Variants in NOS1AP observed in about 807,000 individuals in gnomAD.
NOS1AP encodes carboxyl-terminal PDZ ligand of neuronal nitric oxide synthase protein.
Under a neutral mutation model 56.2 loss-of-function variants are expected in NOS1AP, and 21 were observed. That is an observed-to-expected ratio of 0.37 (90% CI 0.26 to 0.54). The LOEUF is 0.54. Among genes scored for constraint, NOS1AP ranks in the 20% least tolerant of loss-of-function variants. NOS1AP has a pLI of 0.84. For synonymous variants in NOS1AP, 270 were observed against 274.6 expected, an observed-to-expected ratio of 0.98 and a Z score of 0.17; for missense variants, 522 against 657.8, an observed-to-expected ratio of 0.79 and a Z score of 2.26.
intron 1 of NOS1AP, among the ~76,000 whole-genome samples, chr1:162,120,579 G>A (rs12085490): frequency 0.01 from 1,544 of 152,342 alleles, 24 homozygotes; most frequent in African/African-American, 0.035. Context: ...GTCTTATGTG[G>A]CGACAGGCAA....
intron 1 of NOS1AP, among the ~76,000 whole-genome samples, chr1:162,093,585 C>T (rs975957083): frequency 3.3e-5 from 5 of 151,980 alleles, no homozygotes; most frequent in African/African-American, 7.3e-5. Context: ...GCCGCTATCT[C>T]ACTTTGTTGC....
chr1:162,128,583 A>G (rs556593565), intron 1 of NOS1AP, among the ~76,000 whole-genome samples: 1 of 152,310 alleles, frequency 6.6e-6, no homozygotes, highest in South Asian at 2.1e-4. Context: ...AAAACTCCTC[A>G]AAAAAATTTG....
chr1:162,077,809 T>G (rs1691802691), intron 1 of NOS1AP, among the ~76,000 whole-genome samples: 1 of 151,808 alleles, frequency 6.6e-6, no homozygotes, highest in South Asian at 2.1e-4. Context: ...CTTTCTTTAA[T>G]TAACATGTTG....
At chr1:162,166,903 TTTGC>T (rs1650523714) in intron 2 of NOS1AP, among the ~76,000 whole-genome samples, 1 of 152,170 alleles carries the variant, frequency 6.6e-6, no homozygotes. Context: ...GTCAGGATCC[TTTGC>T]TGGGTGGAAG....
At chr1:162,338,220 A>G (rs974555441) in intron 5 of NOS1AP, among the ~76,000 whole-genome samples, 5 of 152,178 alleles carry the variant, frequency 3.3e-5, no homozygotes, top group Non-Finnish European at 5.9e-5. Context: ...TTGTCAGTCA[A>G]ATTTGAGTAC....
intron 6 of NOS1AP, among the ~76,000 whole-genome samples, chr1:162,349,826 T>A (rs79169859): frequency 2.0e-4 from 30 of 152,340 alleles, no homozygotes; most frequent in African/African-American, 6.7e-4. Context: ...CTCTGGTTAT[T>A]GTGTAGTGCC....
chr1:162,269,169 A>G (rs1436756637), intron 2 of NOS1AP, among the ~76,000 whole-genome samples: 1 of 152,254 alleles, frequency 6.6e-6, no homozygotes, highest in African/African-American at 2.4e-5. Flanking sequence ...CCACAAAACC[A>G]GAGCAAGAGT....
chr1:162,308,973 G>A (rs2101764024), intron 4 of NOS1AP, among the ~76,000 whole-genome samples: 1 of 152,304 alleles, frequency 6.6e-6, no homozygotes, highest in Middle Eastern at 3.4e-3. Context: ...GAGCTGTCTG[G>A]CACTCACACT....
At chr1:162,209,778 G>A (rs574233504) in intron 2 of NOS1AP, among the ~76,000 whole-genome samples, 265 of 152,118 alleles carry the variant, frequency 1.7e-3, no homozygotes, top group Middle Eastern at 0.01. Context: ...GGGGGCGGGG[G>A]GCAAGGGCAG....
At chr1:162,364,922 A>T in intron 8 of NOS1AP, 2 of 1,017,100 alleles carry the variant, frequency 2.0e-6, no homozygotes, top group Non-Finnish European at 2.4e-6. Flanking sequence ...CACTGTTCTT[A>T]GCCAGTGGGT....
chr1:162,297,586 G>T (rs2819310), intron 3 of NOS1AP, among the ~76,000 whole-genome samples: 3 of 152,138 alleles, frequency 2.0e-5, no homozygotes, highest in Admixed American at 2.0e-4. Flanking sequence ...TGGCTCTCAG[G>T]CCCAGGGTCA....
chr1:162,348,997 C>T (rs1439621001), intron 6 of NOS1AP, among the ~76,000 whole-genome samples: 1 of 152,150 alleles, frequency 6.6e-6, no homozygotes, highest in African/African-American at 2.4e-5. Context: ...ACCAGCCTGA[C>T]CAACATGAAG....
intron 5 of NOS1AP, among the ~76,000 whole-genome samples, chr1:162,340,763 G>A (rs1439335461): frequency 1.3e-5 from 2 of 152,118 alleles, no homozygotes; most frequent in African/African-American, 4.8e-5. Flanking sequence ...ACTTTTTCAG[G>A]GGAATCAGGT....
chr1:162,308,118 C>T (rs61143055), intron 4 of NOS1AP, among the ~76,000 whole-genome samples: 11,068 of 152,288 alleles, frequency 0.073, 457 homozygotes, highest in Middle Eastern at 0.13. Flanking sequence ...GAGGAGAGTA[C>T]TCAAGGCAGC....
intron 2 of NOS1AP, among the ~76,000 whole-genome samples, chr1:162,228,671 G>A (rs949094998): frequency 6.6e-5 from 10 of 152,196 alleles, no homozygotes; most frequent in Admixed American, 3.3e-4. Flanking sequence ...CTTCTAACTC[G>A]CTCAAATGGA....
chr1:162,152,608 A>G (rs1649764743), intron 1 of NOS1AP, among the ~76,000 whole-genome samples: 1 of 152,238 alleles, frequency 6.6e-6, no homozygotes, highest in Non-Finnish European at 1.5e-5. Context: ...AGCAAGCTGC[A>G]AGGTTCTTCA....
In NOS1AP at chr1:162,141,001, A is replaced by G. The variant is rs548594084; in HGVS notation, c.106-13404A>G. On this transcript the variant is annotated intron_variant, in intron 1 of 9. Transcript: ENST00000361897. ...ATTGGATTTGTTTTTTTGCTTATTG[A>G]TTTAAGTTATTAAGCCTTTGTCGGA... 4.6e-5 allele frequency among the ~76,000 whole-genome samples: 7 copies of G among 151,998 alleles called. No homozygotes were observed. The East Asian group carries it at 9.6e-4, about 21-fold the overall frequency.
chr1:162,321,717 AT>A (rs1435482846), intron 4 of NOS1AP, among the ~76,000 whole-genome samples: 1 of 102,860 alleles, frequency 9.7e-6, no homozygotes, highest in Non-Finnish European at 2.0e-5. Flanking sequence ...TTAAAGTATA[AT>A]TAAAAAAAAA....
At chr1:162,297,974 C>G (rs549644018) in intron 3 of NOS1AP, among the ~76,000 whole-genome samples, 4 of 152,316 alleles carry the variant, frequency 2.6e-5, no homozygotes, top group Admixed American at 2.6e-4. Context: ...GCAACTCACA[C>G]ATGCCAGTGG....
Sources: allele counts gnomAD v4.1 joint callset (sites outside exome capture counted in the v4.1 genomes callset), GRCh38; gene constraint gnomAD v4.1.1; transcripts MANE v1.5; gene names NCBI Gene and HGNC (gene_info 2026-07-23, HGNC 2026-07-21).